Variants in CCSER2 observed in about 807,000 individuals in gnomAD.
CCSER2 encodes the protein coiled-coil serine rich protein 2.
In CCSER2, 46 loss-of-function variants were observed where a neutral mutation model predicts 92.3. That is an observed-to-expected ratio of 0.50 (90% CI 0.39 to 0.64). The LOEUF (loss-of-function observed/expected upper bound fraction) is 0.64, where lower values mean the gene tolerates loss of function less well. CCSER2 is among the 30% of genes least tolerant of loss of function. The probability of loss-of-function intolerance (pLI) is 0.00; values close to 1 mark genes in which losing one functional copy is unlikely to be tolerated. For synonymous variants in CCSER2, 433 were observed against 431.4 expected, an observed-to-expected ratio of 1.00 and a Z score of -0.04; for missense variants, 1,244 against 1,238.9, an observed-to-expected ratio of 1.00 and a Z score of -0.06.
In CCSER2 at chr10:84,425,068, G is replaced by A. The variant is rs973354466; in HGVS notation, c.1706-663G>A. ...ATTTGGGTAAGTGAAGAAGCTTGGG[G>A]TGTTTCAAAGAGATTCTTTTCGTGT... On this transcript the variant is annotated intron_variant, in intron 4 of 9. Coordinates refer to ENST00000372088, the MANE Select transcript of CCSER2 (RefSeq NM_001284240.2). The A allele has an allele frequency of 2.4e-5, 23 of 963,910 alleles. No individual in the cohort carries two copies. The Admixed American group carries it at 6.2e-4, about 26-fold the overall frequency. 59.7% of individuals were successfully genotyped at this position (963,910 alleles called of 1,614,324 possible).
At chr10:84,346,923 C>G (rs1455666878) in intron 1 of CCSER2, among the ~76,000 whole-genome samples, 2 of 151,978 alleles carry the variant, frequency 1.3e-5, no homozygotes, top group Admixed American at 1.3e-4. Flanking sequence ...GCAGAGGACC[C>G]TGTGGCCTTC....
rs1280570688 is a variant in CCSER2 at position 84,353,045 on chromosome 10, G to A, written c.-39-17969G>A. ...GACCTCAGGTGATCCACCTGCCTTG[G>A]CCTCCCAAAGTGCTGGGATTACGGG... On this transcript the variant is annotated intron_variant, in intron 1 of 9. Transcript: ENST00000372088. Among the ~76,000 whole-genome samples the A allele has an allele frequency of 3.9e-5, 6 of 152,278 alleles. No individual in the cohort carries two copies. In the East Asian group the frequency reaches 9.7e-4, roughly 25 times the overall value.
chr10:84,376,178 T>C (rs904211024), intron 3 of CCSER2, among the ~76,000 whole-genome samples: 1 of 152,188 alleles, frequency 6.6e-6, no homozygotes, highest in Non-Finnish European at 1.5e-5. Flanking sequence ...CTGATTACTT[T>C]TCATAACACC....
chr10:84,337,468 T>C (rs762131571), intron 1 of CCSER2, among the ~76,000 whole-genome samples: 54 of 152,300 alleles, frequency 3.5e-4, no homozygotes, highest in Non-Finnish European at 5.7e-4. Flanking sequence ...AAGTTGTTTC[T>C]GGTTTAGTGG....
chr10:84,502,728 G>A (rs1207986669), intron 9 of CCSER2, among the ~76,000 whole-genome samples: 2 of 152,120 alleles, frequency 1.3e-5, no homozygotes, highest in Non-Finnish European at 2.9e-5. Context: ...TCTAAATGGG[G>A]AGGCGAGGTA....
intron 3 of CCSER2, among the ~76,000 whole-genome samples, chr10:84,380,246 A>AT (rs34518480): frequency 0.21 from 31,871 of 151,712 alleles, 3,601 homozygotes; most frequent in Admixed American, 0.34. Context: ...TGATTTTGTC[A>AT]TTTTTTTCAC....
chr10:84,481,424 G>A (rs1227860021), intron 9 of CCSER2, among the ~76,000 whole-genome samples: 2 of 151,490 alleles, frequency 1.3e-5, no homozygotes, highest in African/African-American at 2.4e-5. Flanking sequence ...TTGATCCTCA[G>A]AATTTTAGGA....
chr10:84,395,233 A>G (rs2133282499), intron 3 of CCSER2, among the ~76,000 whole-genome samples: 2 of 151,964 alleles, frequency 1.3e-5, no homozygotes, highest in South Asian at 4.2e-4. Flanking sequence ...TAAAAAAAAA[A>G]AAAAAAAAAG....
intron 3 of CCSER2, among the ~76,000 whole-genome samples, chr10:84,380,270 A>C (rs1478401581): frequency 6.6e-6 from 1 of 151,902 alleles, no homozygotes; most frequent in Non-Finnish European, 1.5e-5. Flanking sequence ...TTTTACTGGC[A>C]GTTTTGTTTC....
rs966374558 is a variant in CCSER2 at position 84,371,978 on chromosome 10, T to G, written c.926T>G (p.Val309Gly). The G allele has an allele frequency of 1.2e-6, 2 of 1,613,716 alleles. No homozygotes were observed. Among genetic ancestry groups the G allele is most frequent in the Non-Finnish European group, 1.7e-6 (2 of 1,179,722 alleles). ...KKLALPNGPG[V>G]TSTLGYRMVH... ...TTGGCTTTACCAAATGGCCCAGGTG[T>G]AACTTCTACTTTAGGTTATAGAATG... is the stretch of plus-strand genomic sequence containing the variant. The change falls in exon 2 of 10, where the codon GTA (valine) becomes GGA (glycine). Residue 309 changes from valine (V) to glycine (G), a missense_variant. By Grantham distance (109) the Val-to-Gly change is moderately radical. Coordinates refer to ENST00000372088, the MANE Select transcript of CCSER2 (RefSeq NM_001284240.2).
intron 3 of CCSER2, among the ~76,000 whole-genome samples, chr10:84,382,117 C>A (rs1190910207): frequency 6.6e-6 from 1 of 152,094 alleles, no homozygotes; most frequent in Admixed American, 6.6e-5. Flanking sequence ...TGGAATAAAT[C>A]TTAGTTGTTA....
chr10:84,517,986 T>C lies in CCSER2; in HGVS notation c.*3719T>C, dbSNP rs1849652873. The stretch of plus-strand genomic sequence containing the variant: ...CCATCTTACCCAGTAGTTTTTGTGT[T>C]TTTAAATTCGTTTGGGTGGTTATGT... On this transcript the variant is annotated 3_prime_UTR_variant, in exon 10 of 10. Coordinates refer to ENST00000372088, the MANE Select transcript of CCSER2 (RefSeq NM_001284240.2). 1 of 152,234 alleles carries C rather than the reference T, an allele frequency of 6.6e-6. No individual in the cohort carries two copies. The highest frequency in any genetic ancestry group is 1.5e-5 in the Non-Finnish European group (1 of 68,036). 9.4% of individuals were successfully genotyped at this position (152,234 alleles called of 1,614,324 possible).
chr10:84,373,533 G>T, intron 2 of CCSER2, 86 bp from the exon 3 acceptor site: 2 of 1,017,822 alleles, frequency 2.0e-6, no homozygotes, highest in South Asian at 1.7e-5. Context: ...TTTTTGCTAT[G>T]ATATATCAAA....
intron 5 of CCSER2, among the ~76,000 whole-genome samples, chr10:84,426,683 A>G (rs1282346223): frequency 3.9e-5 from 6 of 152,202 alleles, no homozygotes; most frequent in Admixed American, 3.9e-4. Flanking sequence ...TTACAATACA[A>G]ATAGTACAAT....
chr10:84,442,711 G>A (rs1436856224), intron 6 of CCSER2, among the ~76,000 whole-genome samples: 2 of 152,160 alleles, frequency 1.3e-5, no homozygotes, highest in African/African-American at 2.4e-5. Flanking sequence ...TAAAAATGTA[G>A]TATGCTCACA....
At chr10:84,397,503 C>G (rs748364532) in intron 3 of CCSER2, among the ~76,000 whole-genome samples, 21 of 152,110 alleles carry the variant, frequency 1.4e-4, no homozygotes, top group Non-Finnish European at 2.6e-4. Context: ...TGAGGTCACT[C>G]AATACATTCA....
intron 3 of CCSER2, among the ~76,000 whole-genome samples, chr10:84,378,187 T>TAA (rs1765786182): frequency 6.6e-6 from 1 of 152,262 alleles, no homozygotes; most frequent in Non-Finnish European, 1.5e-5. Flanking sequence ...AATTCTCTTT[T>TAA]ATTTTGTTTG....
chr10:84,423,743 AT>A (rs1180616527), intron 4 of CCSER2, among the ~76,000 whole-genome samples: 5 of 152,206 alleles, frequency 3.3e-5, no homozygotes, highest in African/African-American at 9.7e-5. Flanking sequence ...CTAAAGAAAC[AT>A]TTTAATACCA....
chr10:84,469,969 T>A (rs1201968273), intron 7 of CCSER2, among the ~76,000 whole-genome samples: 1 of 151,888 alleles, frequency 6.6e-6, no homozygotes, highest in Admixed American at 6.6e-5. Flanking sequence ...AGGCTACTCT[T>A]ATGTATCCCT....
Sources: gnomAD v4.1 joint callset for allele counts (sites outside exome capture counted in the v4.1 genomes callset) on GRCh38, gnomAD v4.1.1 for gene constraint, MANE v1.5 for transcripts, NCBI Gene and HGNC (gene_info 2026-07-23, HGNC 2026-07-21) for gene names.